The following ZNF619 variants were observed in gnomAD, a reference collection of about 807,000 sequenced individuals.
ZNF619 encodes the protein zinc finger protein 619.
ZNF619 carries 9 observed loss-of-function variants against 14.2 expected under a neutral mutation model. The ratio of observed to expected loss-of-function variants is 0.64; its 90% CI spans 0.38 to 1.11. ZNF619 has a LOEUF of 1.11. Among genes scored for constraint, ZNF619 ranks in the 50% least tolerant of loss-of-function variants. The pLI, the probability that ZNF619 is intolerant of heterozygous loss-of-function variation, is 0.01. For synonymous variants in ZNF619, 246 were observed against 252.8 expected (o/e 0.97, Z 0.26); for missense variants, 659 against 680.1 (o/e 0.97, Z 0.34).
rs1407921667 is a variant in ZNF619 at position 40,487,668 on chromosome 3, A to G, written c.1158A>G (p.Val386=). The change falls in exon 5 of 5, where the codon GTA becomes GTG. Residue 386 remains valine, a synonymous_variant. Transcript: ENST00000432264. ...ECGKAFHRSS[V]FLQHQRFHTG... Reference sequence around the variant, plus strand: ...GCAAGGCCTTCCACCGCAGTTCGGTATTTCTTCAGCACCAGAGGTTCCACA... The same window carrying G: ...GCAAGGCCTTCCACCGCAGTTCGGTGTTTCTTCAGCACCAGAGGTTCCACA... 1.9e-6 allele frequency: 3 copies of G among 1,613,768 alleles called. No individual in the cohort carries two copies. Among genetic ancestry groups the G allele is most frequent in the Non-Finnish European group, 2.5e-6 (3 of 1,179,938 alleles).
Position 40,488,228 on chromosome 3 carries a change from C to G in ZNF619, c.1718C>G (p.Ser573Cys). 1 of 1,557,968 alleles carries G rather than the reference C, an allele frequency of 6.4e-7. No homozygotes were observed. The highest frequency in any genetic ancestry group is 8.8e-7 in the Non-Finnish European group (1 of 1,137,490). ...TCCCTTCAGAGCCCGAATCCTTTGT[C>G]TCACTCCCTGTAAGCCCCGTCACGT... is the stretch of plus-strand genomic sequence containing the variant. ...KSSLQSPNPL[S>C]HSL Residue 573 changes from serine to cysteine, a missense_variant, in exon 5 of 5, where the codon TCT becomes TGT. Ser to Cys is a moderately radical substitution (Grantham distance 112, BLOSUM62 -1). Transcript: ENST00000432264.
At chr3:40,480,186 G>T (rs1183621769) in intron 2 of ZNF619, among the ~76,000 whole-genome samples, 1 of 152,182 alleles carries the variant, frequency 6.6e-6, no homozygotes, top group East Asian at 1.9e-4. Context: ...GACTCTGAAG[G>T]AAGTAAGAGA....
intron 3 of ZNF619, chr3:40,482,347 T>C (rs1575265887): frequency 1.3e-6 from 2 of 1,556,646 alleles, no homozygotes; most frequent in Non-Finnish European, 8.7e-7. Flanking sequence ...CTATTGCCTA[T>C]GTGTGAGTCC....
At position 40,481,973 on chromosome 3, in the gene ZNF619, C is replaced by T. The variant is rs763206712; in HGVS notation, c.135C>T (p.Tyr45=). 1 of 1,610,014 alleles carries T rather than the reference C, an allele frequency of 6.2e-7. No individual in the cohort carries two copies. Among genetic ancestry groups the T allele is most frequent in the Non-Finnish European group, 8.5e-7 (1 of 1,178,852 alleles). ...ASLHPTQRAL[Y]REVMLENYAN... Reference sequence around the variant, plus strand: ...TGCACCCTACGCAGAGGGCCCTATACAGGGAGGTGATGCTGGAGAATTATG... The same window carrying T: ...TGCACCCTACGCAGAGGGCCCTATATAGGGAGGTGATGCTGGAGAATTATG... The change falls in exon 3 of 5, where the codon TAC becomes TAT. Residue 45 remains tyrosine (Y), a synonymous_variant. Transcript: ENST00000432264.
At chr3:40,484,202 A>G (rs1161553153) in intron 4 of ZNF619, among the ~76,000 whole-genome samples, 1 of 152,274 alleles carries the variant, frequency 6.6e-6, no homozygotes, top group Non-Finnish European at 1.5e-5. Context: ...CTGGGATTAC[A>G]GGCATGAGCC....
intron 2 of ZNF619, among the ~76,000 whole-genome samples, chr3:40,481,551 A>C (rs1338870622): frequency 6.6e-6 from 1 of 152,154 alleles, no homozygotes; most frequent in Non-Finnish European, 1.5e-5. Flanking sequence ...AGGCAGGGTG[A>C]AAGACGGTTA....
intron 2 of ZNF619, among the ~76,000 whole-genome samples, chr3:40,481,003 G>A (rs572636375): frequency 3.9e-4 from 59 of 152,246 alleles, no homozygotes; most frequent in Admixed American, 2.1e-3. Context: ...TACTCAAAGA[G>A]GACTCCTTTT....
In ZNF619 at chr3:40,486,853, A is replaced by T. The variant is rs776841741; in HGVS notation, c.343A>T (p.Ile115Phe). 1 of 1,611,342 alleles carries T rather than the reference A, an allele frequency of 6.2e-7. No homozygotes were observed. The highest frequency in any genetic ancestry group is 1.7e-5 in the Admixed American group (1 of 59,252). ...TGAGGAAAAAACTGCACAGCTAAAC[A>T]TTTCTAAAGAATCAGAGTCCCACAG... ...ENEEKTAQLN[I>F]SKESESHRLI... Residue 115 changes from isoleucine to phenylalanine, a missense_variant, in exon 5 of 5, where the codon ATT (isoleucine) becomes TTT (phenylalanine). Physicochemically the swap from Ile to Phe is conservative, Grantham distance 21. Coordinates refer to ENST00000432264, the MANE Select transcript of ZNF619 (RefSeq NM_001145093.4).
chr3:40,481,512 G>A (rs1697391148), intron 2 of ZNF619, among the ~76,000 whole-genome samples: 1 of 152,172 alleles, frequency 6.6e-6, no homozygotes, highest in Non-Finnish European at 1.5e-5. Flanking sequence ...CTGGGTGGAG[G>A]GCCCTGATAC....
In ZNF619 at chr3:40,487,908, A is replaced by G. The variant is rs1023884305; in HGVS notation, c.1398A>G (p.Arg466=). The stretch of plus-strand genomic sequence containing the variant: ...GTAAGGAGTGCGGGAAAGCCTTCAG[A>G]TGGAATGCAAGTTTCATCCAGCATC... The part of the protein sequence containing the change: ...YECKECGKAF[R]WNASFIQHQK... The change falls in exon 5 of 5, where the codon AGA becomes AGG. Residue 466 remains arginine (R), a synonymous_variant. Transcript: ENST00000432264. The G allele has an allele frequency of 1.9e-6, 3 of 1,614,204 alleles. No individual in the cohort carries two copies. The highest frequency in any genetic ancestry group is 1.7e-5 in the Admixed American group (1 of 60,018).
Position 40,485,406 on chromosome 3 carries a change from A to G in ZNF619, c.296-1400A>G, listed in dbSNP as rs1222159608. On this transcript the variant is annotated intron_variant, in intron 4 of 4. Transcript: ENST00000432264. ...AATCTCTGCCTCCTAGGTTCAACCA[A>G]TTCTCATGCCTCAGCCTCATGAGTA... Among the ~76,000 whole-genome samples, 11 of 151,942 alleles carry G rather than the reference A, an allele frequency of 7.2e-5. 1 individual carries two copies. The highest frequency in any genetic ancestry group is 2.7e-4 in the African/African-American group (11 of 41,410).
chr3:40,477,883 C>G (rs993437785), intron 1 of ZNF619, 35 bp from the exon 2 acceptor site: 1 of 1,201,054 alleles, frequency 8.3e-7, no homozygotes, highest in Non-Finnish European at 1.2e-6. Flanking sequence ...GTGTAGGAGA[C>G]GAGACAGATC....
chr3:40,487,665 G>C lies in ZNF619; in HGVS notation c.1155G>C (p.Ser385=), dbSNP rs376263483. Residue 385 remains serine (S), a synonymous_variant, in exon 5 of 5, where the codon TCG becomes TCC. Transcript: ENST00000432264. The stretch of plus-strand genomic sequence containing the variant: ...GTGGCAAGGCCTTCCACCGCAGTTC[G>C]GTATTTCTTCAGCACCAGAGGTTCC... The part of the protein sequence containing the change: ...KECGKAFHRS[S]VFLQHQRFHT... The C allele has an allele frequency of 6.2e-7, 1 of 1,613,482 alleles. No individual in the cohort carries two copies. Among genetic ancestry groups the C allele is most frequent in the Non-Finnish European group, 8.5e-7 (1 of 1,179,870 alleles).
intron 4 of ZNF619, among the ~76,000 whole-genome samples, 178 bp downstream of exon 4, chr3:40,482,882 C>T (rs1433760179): frequency 6.6e-6 from 1 of 152,174 alleles, no homozygotes; most frequent in Non-Finnish European, 1.5e-5. Flanking sequence ...AAGACGAGTC[C>T]CGCCATTTTA....
chr3:40,481,774 T>C (rs1697401391), intron 2 of ZNF619, 89 bp from the exon 3 acceptor site: 5 of 1,515,718 alleles, frequency 3.3e-6, no homozygotes, highest in Non-Finnish European at 4.4e-6. Context: ...TCCTTGCCAG[T>C]ACAAACCTTC....
intron 4 of ZNF619, among the ~76,000 whole-genome samples, chr3:40,485,809 C>T (rs1697561590): frequency 6.6e-6 from 1 of 152,102 alleles, no homozygotes; most frequent in South Asian, 2.1e-4. Flanking sequence ...GTGGTGCTAC[C>T]AGTGAAAGCA....
rs1245260452 is a variant in ZNF619, at chr3:40,489,659, A to G, written c.*1418A>G. 3.3e-5 allele frequency: 5 copies of G among 152,072 alleles called. No individual in the cohort carries two copies. The highest frequency in any genetic ancestry group is 7.4e-5 in the Non-Finnish European group (5 of 68,018). 9.4% of individuals were successfully genotyped at this position (152,072 alleles called of 1,614,324 possible). A position where few individuals can be genotyped will look rare whatever the true frequency, so the allele number is the denominator to read the frequency against. ...TAGATGCCTGAGTATAGTAATCTCT[A>G]AAGCTGTACATGGATGGAACTTGTT... is the stretch of plus-strand genomic sequence containing the variant. On this transcript the variant is annotated 3_prime_UTR_variant, in exon 5 of 5. Transcript: ENST00000432264.
rs1406446254 is a variant in ZNF619 at position 40,489,602 on chromosome 3, C to G, written c.*1361C>G. 1 of 151,880 alleles carries G rather than the reference C, an allele frequency of 6.6e-6. No homozygotes were observed. The highest frequency in any genetic ancestry group is 1.5e-5 in the Non-Finnish European group (1 of 68,002). The allele number at this position is 151,880 out of a possible 1,614,324, so 9.4% of individuals were successfully genotyped here. A position where few individuals can be genotyped will look rare whatever the true frequency, so the allele number is the denominator to read the frequency against. ...CAGTACCCACTCATATATGTAGGTA[C>G]AAAAAGTGACTTGGACTTGTACCCT... On this transcript the variant is annotated 3_prime_UTR_variant, in exon 5 of 5. Transcript: ENST00000432264.
At position 40,488,514 on chromosome 3, in the gene ZNF619, T is replaced by C; in HGVS notation, c.*273T>C. On this transcript the variant is annotated 3_prime_UTR_variant, in exon 5 of 5. Transcript: ENST00000432264. ...TGGGGCTACTGGAGTTGGAAGAGTTTGCAGAACATTTTGGGGTTTAGGGCA... is the reference window on the plus strand; with the variant it reads ...TGGGGCTACTGGAGTTGGAAGAGTTCGCAGAACATTTTGGGGTTTAGGGCA... The C allele has an allele frequency of 2.4e-6, 1 of 423,090 alleles. No individual in the cohort carries two copies. The highest frequency in any genetic ancestry group is 4.2e-6 in the Non-Finnish European group (1 of 240,160). 26.2% of individuals were successfully genotyped at this position (423,090 alleles called of 1,614,324 possible). A position where few individuals can be genotyped will look rare whatever the true frequency, so the allele number is the denominator to read the frequency against.
Sources: gnomAD v4.1 joint callset for allele counts (sites outside exome capture counted in the v4.1 genomes callset) on GRCh38, gnomAD v4.1.1 for gene constraint, MANE v1.5 for transcripts, NCBI Gene and HGNC (gene_info 2026-07-23, HGNC 2026-07-21) for gene names.